The following AHCTF1 variants were observed in gnomAD, a reference collection of about 807,000 sequenced individuals.
AHCTF1 encodes protein ELYS.
AHCTF1 carries 24 observed loss-of-function variants against 248.4 expected under a neutral mutation model. The observed-to-expected ratio is 0.10, with a 90% confidence interval of 0.07 to 0.14. The LOEUF (loss-of-function observed/expected upper bound fraction) is 0.14. AHCTF1 is among the 10% of genes least tolerant of loss of function. AHCTF1 has a pLI of 1.00. For synonymous variants in AHCTF1, 786 were observed against 929.8 expected, an observed-to-expected ratio of 0.85 and a Z score of 2.81; for missense variants, 2,206 against 2,636.2, an observed-to-expected ratio of 0.84 and a Z score of 3.57.
chr1:246,899,596 C>T, intron 10 of AHCTF1, 84 bp from the exon 11 acceptor site: 1 of 953,830 alleles, frequency 1.0e-6, no homozygotes, highest in African/African-American at 1.7e-5. Context: ...TAACAGACTG[C>T]AAGGCAAGGT....
At chr1:246,885,868 T>C (rs1194881494) in intron 20 of AHCTF1, among the ~76,000 whole-genome samples, 188 bp from the exon 21 acceptor site, 1 of 152,160 alleles carries the variant, frequency 6.6e-6, no homozygotes. Context: ...ATCTGCAGAC[T>C]GAACTAAGTG....
At chr1:246,858,479 A>G (rs1344088004) in intron 29 of AHCTF1, among the ~76,000 whole-genome samples, 2 of 152,198 alleles carry the variant, frequency 1.3e-5, no homozygotes, top group Non-Finnish European at 1.5e-5. Context: ...GCTAGGATTC[A>G]AATCTAGCTT....
chr1:246,910,073 T>C (rs1316833362), intron 4 of AHCTF1, among the ~76,000 whole-genome samples: 1 of 152,228 alleles, frequency 6.6e-6, no homozygotes, highest in Admixed American at 6.5e-5. Flanking sequence ...TGATACAATA[T>C]GAAGTACTCA....
chr1:246,915,316 G>A (rs530658735), intron 3 of AHCTF1, among the ~76,000 whole-genome samples: 3 of 152,016 alleles, frequency 2.0e-5, no homozygotes, highest in East Asian at 1.9e-4. Context: ...CTGACAGAGC[G>A]ACTCTGTCTC....
intron 14 of AHCTF1, among the ~76,000 whole-genome samples, chr1:246,893,496 C>G (rs913815791): frequency 6.6e-6 from 1 of 152,216 alleles, no homozygotes; most frequent in Non-Finnish European, 1.5e-5. Context: ...ACTTACAGTG[C>G]AACTGTATCC....
chr1:246,871,560 T>C (rs1184386391), intron 24 of AHCTF1, among the ~76,000 whole-genome samples: 1 of 152,194 alleles, frequency 6.6e-6, no homozygotes, highest in Non-Finnish European at 1.5e-5. Context: ...AAACAAGGTA[T>C]ACAGTGCTGT....
At chr1:246,867,044 A>G (rs1264744243) in intron 26 of AHCTF1, among the ~76,000 whole-genome samples, 200 bp downstream of exon 26, 1 of 152,238 alleles carries the variant, frequency 6.6e-6, no homozygotes, top group Non-Finnish European at 1.5e-5. Flanking sequence ...GTCTGAAATT[A>G]TTGAACAAAA....
At chr1:246,873,223 T>C (rs962313315) in intron 24 of AHCTF1, among the ~76,000 whole-genome samples, 2 of 152,198 alleles carry the variant, frequency 1.3e-5, no homozygotes, top group Admixed American at 6.5e-5. Flanking sequence ...GAACTCTCTA[T>C]ACTCATTACT....
At chr1:246,875,972 A>G in intron 24 of AHCTF1, 65 bp downstream of exon 24, 1 of 1,427,676 alleles carries the variant, frequency 7.0e-7, no homozygotes. Flanking sequence ...GTGGTTTCAG[A>G]AAAGTAATCA....
At position 246,843,795 on chromosome 1, in the gene AHCTF1, C is replaced by CAGTT; in HGVS notation, c.6521_6524dup (p.Lys2176ThrfsTer4). 7.1e-7 allele frequency: 1 copy of CAGTT among 1,415,920 alleles called. No individual in the cohort carries two copies. Among genetic ancestry groups the CAGTT allele is most frequent in the Non-Finnish European group, 9.3e-7 (1 of 1,079,600 alleles). The allele number at this position is 1,415,920 out of a possible 1,614,324, so 87.7% of individuals were successfully genotyped here. ...ACAAATAAAATCATGCATTTCTTAC[C>CAGTT]AGTTCATCTTCAAGCTTGTTCTTAT... On this transcript the variant is annotated frameshift_variant and splice_region_variant, in exon 34 of 36. Transcript: ENST00000648844. LOFTEE classifies it high-confidence loss of function.
chr1:246,857,889 T>G, intron 29 of AHCTF1, 75 bp from the exon 30 acceptor site: 1 of 1,403,866 alleles, frequency 7.1e-7, no homozygotes, highest in Non-Finnish European at 9.7e-7. Flanking sequence ...ATTATTACTT[T>G]TTAAAAAGTT....
At position 246,869,649 on chromosome 1, in the gene AHCTF1, A is replaced by G. The variant is rs575744512; in HGVS notation, c.3089-1838T>C. Among the ~76,000 whole-genome samples the G allele has an allele frequency of 1.1e-4, 16 of 152,254 alleles. No individual in the cohort carries two copies. The East Asian group carries it at 2.7e-3, about 26-fold the overall frequency. On this transcript the variant is annotated intron_variant, in intron 24 of 35. Transcript: ENST00000648844. ...TCTATCAATGGAAAAAGCCTAGATGAAAACACATCTGTTGACAGCATGGTT... is the reference window on the plus strand; with the variant it reads ...TCTATCAATGGAAAAAGCCTAGATGGAAACACATCTGTTGACAGCATGGTT...
At chr1:246,914,215 A>G (rs1185106497) in intron 3 of AHCTF1, among the ~76,000 whole-genome samples, 8 of 152,220 alleles carry the variant, frequency 5.3e-5, no homozygotes, top group African/African-American at 1.9e-4. Flanking sequence ...TAGGTATGAT[A>G]TATGATAAAA....
Position 246,867,742 on chromosome 1 carries a change from A to G in AHCTF1, c.3158T>C (p.Val1053Ala). The G allele has an allele frequency of 6.2e-7, 1 of 1,612,500 alleles. No individual in the cohort carries two copies. ...VVTGTVLTRSVFINNVLSKIG... is the reference protein window; with the variant it reads ...VVTGTVLTRSAFINNVLSKIG... Reference sequence around the variant, plus strand: ...TTTAGATAACACATTGTTGATGAAAACAGATCTTGTCAACACAGTTCCTGT... The same window carrying G: ...TTTAGATAACACATTGTTGATGAAAGCAGATCTTGTCAACACAGTTCCTGT... Residue 1053 changes from valine (V) to alanine (A), a missense_variant, in exon 25 of 36, where the codon GTT becomes GCT. By Grantham distance (64) the Val-to-Ala change is moderately conservative. Transcript: ENST00000648844.
rs1482646911 is a variant in AHCTF1, at chr1:246,867,266, T to C, written c.3325A>G (p.Lys1109Glu). ...TACCTAGAAATTTTTTGTGATGCTTTTGAAATTGGTGTTCCAAAAAATGCC... is the reference window on the plus strand; with the variant it reads ...TACCTAGAAATTTTTTGTGATGCTTCTGAAATTGGTGTTCCAAAAAATGCC... Reference protein sequence around the residue: ...PEAFFGTPISKASQKISRLLD... With the variant: ...PEAFFGTPISEASQKISRLLD... The change falls in exon 26 of 36, where the codon AAA (lysine) becomes GAA (glutamate). Residue 1109 changes from lysine (K) to glutamate (E), a missense_variant. Physicochemically the swap from Lys to Glu is moderately conservative, Grantham distance 56. Around this residue, in one of 6 missense-constraint regions of AHCTF1, gnomAD observed 955 missense variants for 1,055.6 expected, o/e 0.90. Transcript: ENST00000648844. 14 of 1,599,156 alleles carry C rather than the reference T, an allele frequency of 8.8e-6. No homozygotes were observed. The highest frequency in any genetic ancestry group is 1.2e-5 in the Non-Finnish European group (14 of 1,171,594).
intron 21 of AHCTF1, among the ~76,000 whole-genome samples, chr1:246,883,054 G>A (rs538367703): frequency 6.6e-6 from 1 of 152,184 alleles, no homozygotes; most frequent in African/African-American, 2.4e-5. Flanking sequence ...TTGTAAGGGT[G>A]CAAATTAATA....
intron 1 of AHCTF1, among the ~76,000 whole-genome samples, chr1:246,920,200 A>C (rs1022012414): frequency 7.3e-5 from 11 of 151,382 alleles, no homozygotes; most frequent in Admixed American, 4.6e-4. Context: ...ATAACAAAAC[A>C]CACAAGGATA....
chr1:246,904,685 T>A (rs1275735454), intron 6 of AHCTF1, among the ~76,000 whole-genome samples: 2 of 152,174 alleles, frequency 1.3e-5, no homozygotes, highest in Non-Finnish European at 2.9e-5. Flanking sequence ...AAATCAACCC[T>A]GTAGTGAACT....
intron 25 of AHCTF1, 99 bp downstream of exon 25, chr1:246,867,562 A>C: frequency 6.9e-7 from 1 of 1,444,866 alleles, no homozygotes; most frequent in Non-Finnish European, 9.5e-7. Flanking sequence ...TACATACACT[A>C]ATAAACTTAG....
Sources: allele counts gnomAD v4.1 joint callset (sites outside exome capture counted in the v4.1 genomes callset), GRCh38; gene constraint gnomAD v4.1.1; regional missense constraint gnomAD v4.1.1; transcripts MANE v1.5; gene names NCBI Gene and HGNC (gene_info 2026-07-23, HGNC 2026-07-21).